The following TTLL10 variants were observed in gnomAD, a reference collection of about 807,000 sequenced individuals.
TTLL10 encodes tubulin tyrosine ligase like 10, also known as inactive polyglycylase TTLL10.
Under a neutral mutation model 69.0 loss-of-function variants are expected in TTLL10, and 61 were observed. That is an observed-to-expected ratio of 0.88 (90% CI 0.72 to 1.09). TTLL10 has a LOEUF of 1.09. TTLL10 is among the 50% of genes least tolerant of loss of function. TTLL10 has a pLI of 0.00. For synonymous variants in TTLL10, 408 were observed against 393.3 expected, an observed-to-expected ratio of 1.04 and a Z score of -0.44; for missense variants, 962 against 945.9, an observed-to-expected ratio of 1.02 and a Z score of -0.22.
chr1:1,179,553 G>A, intron 4 of TTLL10, 104 bp from the exon 5 acceptor site: 1 of 1,513,508 alleles, frequency 6.6e-7, no homozygotes, highest in Non-Finnish European at 8.9e-7. Flanking sequence ...GTTCCGCCTG[G>A]CTGGCACCAC....
In TTLL10 at chr1:1,174,423, G is replaced by C. The variant is rs2100832438; in HGVS notation, c.-93-1G>C. The C allele has an allele frequency of 6.5e-6, 1 of 152,692 alleles. No homozygotes were observed. 9.5% of individuals were successfully genotyped at this position (152,692 alleles called of 1,614,324 possible). A position where few individuals can be genotyped will look rare whatever the true frequency, so the allele number is the denominator to read the frequency against. On this transcript the variant is annotated splice_acceptor_variant, in intron 2 of 15. Coordinates refer to ENST00000379289, the MANE Select transcript of TTLL10 (RefSeq NM_001130045.2). LOFTEE classifies it low-confidence loss of function (5UTR_SPLICE). Reference sequence around the variant, plus strand: ...GGTCGCTTTTTGGATGATTTCTTCAGGTTTAAAAGTCTCTTCTGTTCATCC... The same window carrying C: ...GGTCGCTTTTTGGATGATTTCTTCACGTTTAAAAGTCTCTTCTGTTCATCC...
At chr1:1,197,385 CT>C in intron 15 of TTLL10, 52 bp from the exon 16 acceptor site, 4 of 1,057,568 alleles carry the variant, frequency 3.8e-6, no homozygotes, top group Non-Finnish European at 5.4e-6. Flanking sequence ...TCCCCACCCC[CT>C]CCAGCCCCAG....
chr1:1,197,157 T>A lies in TTLL10; in HGVS notation c.1583T>A (p.Val528Asp). The change falls in exon 15 of 16, where the codon GTC (valine) becomes GAC (aspartate). Residue 528 changes from valine to aspartate, a missense_variant. Transcript: ENST00000379289. ...ACCAACTGCGAGGTCCTGAAGGAGG[T>A]CATCCCAGGTGTGGTCATCGAGACC... Reference protein sequence around the residue: ...LHTNCEVLKEVIPGVVIETLD... With the variant: ...LHTNCEVLKEDIPGVVIETLD... 1 of 1,550,108 alleles carries A rather than the reference T, an allele frequency of 6.5e-7. No homozygotes were observed. Among genetic ancestry groups the A allele is most frequent in the African/African-American group, 1.4e-5 (1 of 72,772 alleles).
intron 13 of TTLL10, among the ~76,000 whole-genome samples, chr1:1,191,459 G>T (rs1387241522): frequency 2.6e-5 from 4 of 152,106 alleles, no homozygotes; most frequent in African/African-American, 7.2e-5. Context: ...TCATTAAGTG[G>T]ATCATTAAAA....
At chr1:1,184,537 C>T (rs913406043) in intron 12 of TTLL10, among the ~76,000 whole-genome samples, 15 of 152,076 alleles carry the variant, frequency 9.9e-5, no homozygotes, top group Non-Finnish European at 2.1e-4. Context: ...GGGGTCCTCA[C>T]GGCTGAAGGG....
At chr1:1,193,380 G>T (rs926741444) in intron 13 of TTLL10, among the ~76,000 whole-genome samples, 1 of 125,010 alleles carries the variant, frequency 8.0e-6, no homozygotes, top group Non-Finnish European at 1.5e-5. Context: ...ATGCTATTTT[G>T]TTATTTGTTT....
At chr1:1,182,782 G>T in intron 10 of TTLL10, 94 bp from the exon 11 acceptor site, 1 of 1,452,314 alleles carries the variant, frequency 6.9e-7, no homozygotes, top group Non-Finnish European at 9.2e-7. Flanking sequence ...CGGGCCGAGG[G>T]TCGCAGCCTG....
chr1:1,181,586 G>A lies in TTLL10; in HGVS notation c.756-155G>A, dbSNP rs1228225057. Among the ~76,000 whole-genome samples the A allele has an allele frequency of 6.6e-6, 1 of 152,092 alleles. No individual in the cohort carries two copies. Among genetic ancestry groups the A allele is most frequent in the African/African-American group, 2.4e-5 (1 of 41,398 alleles). ...ACTTCCAGCCTAGAGCAACACAGCT[G>A]TTTCCCCCAGGCACCGCCGTCCACC... On this transcript the variant is annotated intron_variant, in intron 8 of 15. Coordinates refer to ENST00000379289, the MANE Select transcript of TTLL10 (RefSeq NM_001130045.2). The surrounding 1 kb of genome is among the most constrained non-coding windows in gnomAD (Gnocchi z 4.6).
intron 13 of TTLL10, among the ~76,000 whole-genome samples, chr1:1,191,165 G>T (rs757249258): frequency 6.6e-6 from 1 of 152,162 alleles, no homozygotes; most frequent in Non-Finnish European, 1.5e-5. Context: ...TTGACCCATT[G>T]GTTGCTTAAG....
intron 4 of TTLL10, 70 bp from the exon 5 acceptor site, chr1:1,179,587 T>G: frequency 6.5e-7 from 1 of 1,545,974 alleles, no homozygotes; most frequent in Non-Finnish European, 8.7e-7. Context: ...GCCCCTCGTC[T>G]CCCGGCCTGA....
At chr1:1,183,118 A>T in intron 11 of TTLL10, 71 bp downstream of exon 11, 1 of 1,483,782 alleles carries the variant, frequency 6.7e-7, no homozygotes, top group Non-Finnish European at 9.0e-7. Flanking sequence ...TGCAGTCAGC[A>T]GGGCCGCCGA....
intron 13 of TTLL10, among the ~76,000 whole-genome samples, chr1:1,187,528 G>C (rs1647431613): frequency 6.6e-6 from 1 of 152,144 alleles, no homozygotes; most frequent in Non-Finnish European, 1.5e-5. Flanking sequence ...TACTTGGGAG[G>C]CTGAGAAAGA....
At chr1:1,189,489 G>A (rs538288378) in intron 13 of TTLL10, among the ~76,000 whole-genome samples, 18 of 152,116 alleles carry the variant, frequency 1.2e-4, no homozygotes, top group Non-Finnish European at 2.5e-4. Context: ...TGTTGGATTT[G>A]GTTTGCTAAT....
rs548805295 is a variant in TTLL10, at chr1:1,179,966, C to T, written c.200-68C>T. The T allele has an allele frequency of 6.6e-5, 96 of 1,452,194 alleles. 1 individual carries two copies. The South Asian group carries it at 1.1e-3, about 17-fold the overall frequency. The allele number at this position is 1,452,194 out of a possible 1,614,324, so 90.0% of individuals were successfully genotyped here. ...GAGAAATGGGCTGGGAGCAAACTGG[C>T]TGAGCCATGTCCGGGCTGAGTGGGC... On this transcript the variant is annotated intron_variant, in intron 5 of 15. Coordinates refer to ENST00000379289, the MANE Select transcript of TTLL10 (RefSeq NM_001130045.2).
intron 9 of TTLL10, among the ~76,000 whole-genome samples, chr1:1,182,149 A>C (rs111949778): frequency 0.02 from 3,048 of 152,312 alleles, 50 homozygotes; most frequent in Non-Finnish European, 0.028. Context: ...GGTGGGGGTC[A>C]GCGGCCAGAA....
At position 1,197,552 on chromosome 1, in the gene TTLL10, T is replaced by TG. The variant is rs985692129; in HGVS notation, c.1733dup (p.Ser579LeufsTer91). ...GGTGAGGCCGACCCGCGGCCGCACC[T>TG]GGGGGGCTCGTGCAGCCTCCGCCGC... On this transcript the variant is annotated frameshift_variant, in exon 16 of 16. Coordinates refer to ENST00000379289, the MANE Select transcript of TTLL10 (RefSeq NM_001130045.2). LOFTEE classifies it high-confidence loss of function. 4.1e-5 allele frequency: 63 copies of TG among 1,521,662 alleles called. No individual in the cohort carries two copies. In the African/African-American group the frequency reaches 8.3e-4, roughly 20 times the overall value. 94.3% of individuals were successfully genotyped at this position (1,521,662 alleles called of 1,614,324 possible).
rs560833817 is a variant in TTLL10 at position 1,197,832 on chromosome 1, G to T, written c.2007G>T (p.Glu669Asp). 1.5e-4 allele frequency: 227 copies of T among 1,499,790 alleles called. No homozygotes were observed. In the African/African-American group the frequency reaches 3.1e-3, roughly 21 times the overall value. The allele number at this position is 1,499,790 out of a possible 1,614,324, so 92.9% of individuals were successfully genotyped here. A position where few individuals can be genotyped will look rare whatever the true frequency, so the allele number is the denominator to read the frequency against. The change falls in exon 16 of 16, where the codon GAG (glutamate) becomes GAT (aspartate). Residue 669 changes from glutamate (E) to aspartate (D), a missense_variant. Physicochemically the swap from Glu to Asp is conservative, Grantham distance 45. Transcript: ENST00000379289. ...CCAAGGAGGAACGCGAGGAGCCTGAGAACGCGAGGCCCTAGGGGCAGCCAC... is the reference window on the plus strand; with the variant it reads ...CCAAGGAGGAACGCGAGGAGCCTGATAACGCGAGGCCCTAGGGGCAGCCAC... Reference protein sequence around the residue: ...GTAKEEREEPENARP With the variant: ...GTAKEEREEPDNARP
intron 13 of TTLL10, among the ~76,000 whole-genome samples, chr1:1,190,761 T>G (rs1398085442): frequency 6.6e-6 from 1 of 152,238 alleles, no homozygotes; most frequent in East Asian, 1.9e-4. Context: ...ACCACCACTT[T>G]TGCTGCATCC....
At chr1:1,182,652 A>G (rs1380272212) in intron 10 of TTLL10, among the ~76,000 whole-genome samples, 2 of 150,272 alleles carry the variant, frequency 1.3e-5, no homozygotes, top group African/African-American at 4.9e-5. Context: ...GCCTTCGTGG[A>G]GGTTGGGGTA....
Sources: gnomAD v4.1 joint callset for allele counts (sites outside exome capture counted in the v4.1 genomes callset) on GRCh38, gnomAD v4.1.1 for gene constraint, Gnocchi (gnomAD v3.1) non-coding constraint, MANE v1.5 for transcripts, NCBI Gene and HGNC (gene_info 2026-07-23, HGNC 2026-07-21) for gene names.